Variants in PHTF2 observed in about 807,000 individuals in gnomAD.
PHTF2 encodes putative homeodomain transcription factor 2, also known as protein PHTF2.
Under a neutral mutation model 101.2 loss-of-function variants are expected in PHTF2, and 60 were observed. The observed-to-expected ratio is 0.59, with a 90% confidence interval of 0.48 to 0.73. The LOEUF (loss-of-function observed/expected upper bound fraction) is 0.73. PHTF2 is among the 30% of genes least tolerant of loss of function. The pLI is 0.00. For missense variants in PHTF2, 747 were observed against 908.7 expected, an observed-to-expected ratio of 0.82 and a Z score of 2.29; for synonymous variants, 311 against 307.3, an observed-to-expected ratio of 1.01 and a Z score of -0.13.
At chr7:77,932,995 T>A (rs1804746561) in intron 12 of PHTF2, among the ~76,000 whole-genome samples, 1 of 152,092 alleles carries the variant, frequency 6.6e-6, no homozygotes, top group African/African-American at 2.4e-5. Context: ...TCCCAGCACT[T>A]TGGGAGGCCG....
At chr7:77,820,741 G>A (rs1794220138) in intron 1 of PHTF2, among the ~76,000 whole-genome samples, 1 of 152,086 alleles carries the variant, frequency 6.6e-6, no homozygotes, top group Non-Finnish European at 1.5e-5. Flanking sequence ...TGATTAAATG[G>A]GGAATTTAAT....
intron 1 of PHTF2, among the ~76,000 whole-genome samples, chr7:77,813,871 C>T (rs140150993): frequency 7.3e-4 from 111 of 152,096 alleles, no homozygotes; most frequent in African/African-American, 2.5e-3. Flanking sequence ...GTGGTTTAGA[C>T]CAGTTGGCTT....
At chr7:77,801,916 A>G (rs1465349896) in intron 1 of PHTF2, among the ~76,000 whole-genome samples, 1 of 152,194 alleles carries the variant, frequency 6.6e-6, no homozygotes. Flanking sequence ...CAGTTTCCTT[A>G]TCTGTTTAAT....
intron 7 of PHTF2, among the ~76,000 whole-genome samples, chr7:77,906,934 T>A (rs1248752374): frequency 1.1e-3 from 129 of 118,800 alleles, no homozygotes; most frequent in East Asian, 1.4e-3. Context: ...TAATGGTAGC[T>A]AAAAAAAAAA....
intron 2 of PHTF2, among the ~76,000 whole-genome samples, chr7:77,849,824 A>C (rs546725048): frequency 1.3e-5 from 2 of 152,228 alleles, no homozygotes; most frequent in Non-Finnish European, 2.9e-5. Flanking sequence ...CTGTTGGCAT[A>C]TAGAAATGCT....
At chr7:77,947,842 T>TTTTTTTCTTTC (rs1806206244) in intron 16 of PHTF2, among the ~76,000 whole-genome samples, 1 of 114,902 alleles carries the variant, frequency 8.7e-6, no homozygotes, top group African/African-American at 3.4e-5. Context: ...TCTTTCTTTT[T>TTTTTTTCTTTC]TTTTTTTTTT....
intron 1 of PHTF2, among the ~76,000 whole-genome samples, chr7:77,814,512 C>T (rs1010052882): frequency 6.8e-6 from 1 of 147,024 alleles, no homozygotes; most frequent in South Asian, 2.1e-4. Flanking sequence ...ACTTGGGGGG[C>T]ATTTTTTTTT....
chr7:77,922,552 A>G, intron 10 of PHTF2, 71 bp from the exon 10 acceptor site: 1 of 1,302,804 alleles, frequency 7.7e-7, no homozygotes, highest in Non-Finnish European at 1.0e-6. Flanking sequence ...GTAATTTCAA[A>G]TTTCATAGTT....
intron 3 of PHTF2, among the ~76,000 whole-genome samples, chr7:77,884,198 T>G (rs1021294043): frequency 6.6e-6 from 1 of 152,200 alleles, no homozygotes; most frequent in Non-Finnish European, 1.5e-5. Flanking sequence ...TTTCTTTTCC[T>G]TGTTTTCTCT....
intron 19 of PHTF2, among the ~76,000 whole-genome samples, chr7:77,954,610 GTGTATATATATATATATATATATATA>G (rs1806828004): frequency 1.2e-5 from 1 of 82,534 alleles, no homozygotes; most frequent in Non-Finnish European, 2.2e-5. Flanking sequence ...AACAAGTACT[GTGTATATATATATATATATATATATA>G]TATATATATA....
Position 77,831,450 on chromosome 7 carries a change from T to C in PHTF2, c.-35-8771T>C, listed in dbSNP as rs74449709. On this transcript the variant is annotated intron_variant, in intron 1 of 19. Coordinates refer to ENST00000416283, the Ensembl canonical transcript of PHTF2. ...GTTCAGAAGGTGGCACATGTTCTTT[T>C]TTCAGCTAGTACCATAACTAGATTA... 6.1e-3 allele frequency among the ~76,000 whole-genome samples: 930 copies of C among 152,332 alleles called. 11 individuals are homozygous for C. Among genetic ancestry groups the C allele is most frequent in the African/African-American group, 0.018 (769 of 41,572 alleles).
chr7:77,937,450 C>T (rs1483545624), intron 12 of PHTF2, among the ~76,000 whole-genome samples: 1 of 152,046 alleles, frequency 6.6e-6, no homozygotes, highest in Non-Finnish European at 1.5e-5. Context: ...CATGTAACTT[C>T]TTATGATATC....
chr7:77,824,666 C>T (rs996686130), intron 1 of PHTF2, among the ~76,000 whole-genome samples: 7 of 152,092 alleles, frequency 4.6e-5, no homozygotes, highest in East Asian at 1.9e-4. Context: ...GTGATCTGCC[C>T]GCCTTGGCCT....
intron 10 of PHTF2, 90 bp downstream of exon 9, chr7:77,920,555 G>A (rs1584714615): frequency 3.5e-6 from 3 of 861,838 alleles, no homozygotes; most frequent in East Asian, 5.0e-5. Context: ...CTTGAACTAA[G>A]TATTTTCTCC....
intron 3 of PHTF2, among the ~76,000 whole-genome samples, chr7:77,857,432 C>T (rs1797274195): frequency 6.6e-6 from 1 of 152,194 alleles, no homozygotes; most frequent in South Asian, 2.1e-4. Context: ...CTAAGGAATT[C>T]TCCCTTTGTT....
chr7:77,941,690 C>T (rs1051795771), intron 15 of PHTF2, among the ~76,000 whole-genome samples: 1 of 152,122 alleles, frequency 6.6e-6, no homozygotes, highest in Non-Finnish European at 1.5e-5. Flanking sequence ...AATCCATTTG[C>T]TTCTCTTTGT....
At chr7:77,951,539 C>T (rs1806544814) in intron 17 of PHTF2, 78 bp from the exon 17 acceptor site, 2 of 632,602 alleles carry the variant, frequency 3.2e-6, no homozygotes, top group African/African-American at 1.9e-5. Flanking sequence ...TAACCAGATA[C>T]TTGAGTGAAT....
At chr7:77,860,297 G>A (rs142043806) in intron 3 of PHTF2, among the ~76,000 whole-genome samples, 163 of 152,282 alleles carry the variant, frequency 1.1e-3, no homozygotes, top group African/African-American at 3.7e-3. Flanking sequence ...GAAATCAAAT[G>A]TATGAGAATA....
At chr7:77,838,255 G>T (rs1795619132) in intron 1 of PHTF2, among the ~76,000 whole-genome samples, 1 of 152,166 alleles carries the variant, frequency 6.6e-6, no homozygotes, top group Non-Finnish European at 1.5e-5. Context: ...GAGATTTTAA[G>T]TCAGTAAGGG....
Sources: gnomAD v4.1 joint callset for allele counts (sites outside exome capture counted in the v4.1 genomes callset) on GRCh38, gnomAD v4.1.1 for gene constraint, MANE v1.5 for transcripts, NCBI Gene and HGNC (gene_info 2026-07-23, HGNC 2026-07-21) for gene names.